Variants in NPSR1 observed in about 807,000 individuals in gnomAD.
NPSR1 encodes neuropeptide S receptor.
Under a neutral mutation model 46.9 loss-of-function variants are expected in NPSR1, and 48 were observed. The observed-to-expected ratio is 1.02, with a 90% confidence interval of 0.81 to 1.30. The LOEUF is 1.30. Among genes scored for constraint, NPSR1 ranks in the 50% most tolerant of loss-of-function variants. The pLI is 0.00. For missense variants in NPSR1, 450 were observed against 449.5 expected (o/e 1.00, Z -0.01); for synonymous variants, 176 against 168.1 (o/e 1.05, Z -0.36).
chr7:34,779,774 C>G (rs1787150692), intron 3 of NPSR1: 1 of 283,986 alleles, frequency 3.5e-6, no homozygotes, highest in African/African-American at 2.2e-5. Flanking sequence ...TATTAGCAAT[C>G]AATTGCTGAT....
chr7:34,788,194 T>C (rs1787551437), intron 3 of NPSR1, among the ~76,000 whole-genome samples: 1 of 151,954 alleles, frequency 6.6e-6, no homozygotes, highest in Non-Finnish European at 1.5e-5. Context: ...AGTTATCATT[T>C]TAAAATCGCT....
chr7:34,716,485 ATC>A lies in NPSR1; in HGVS notation c.280+31803_280+31804del, dbSNP rs1783576839. ...TCGTTCTCCTGCTTTCTATTGGGAG[ATC>A]TTGCAAGTTAATTGCTTGACTTCTT... is the stretch of plus-strand genomic sequence containing the variant. On this transcript the variant is annotated intron_variant, in intron 2 of 8. Transcript: ENST00000360581. Among the ~76,000 whole-genome samples, 6 of 152,238 alleles carry A rather than the reference ATC, an allele frequency of 3.9e-5. No individual in the cohort carries two copies. In the South Asian group the frequency reaches 1.2e-3, roughly 32 times the overall value.
intron 2 of NPSR1, chr7:34,711,061 C>A: frequency 3.0e-6 from 1 of 335,666 alleles, no homozygotes; most frequent in Non-Finnish European, 5.9e-6. Flanking sequence ...ATGATGTGAG[C>A]CCAAAGGTCC....
At chr7:34,732,057 G>C (rs954576448) in intron 2 of NPSR1, among the ~76,000 whole-genome samples, 3 of 142,176 alleles carry the variant, frequency 2.1e-5, no homozygotes, top group Non-Finnish European at 4.5e-5. Flanking sequence ...TCCAGCCTGG[G>C]TGACAGAGTG....
chr7:34,835,827 A>G (rs531311205), intron 6 of NPSR1, among the ~76,000 whole-genome samples: 1 of 152,350 alleles, frequency 6.6e-6, no homozygotes, highest in African/African-American at 2.4e-5. Flanking sequence ...GGCCCTGGCT[A>G]CACAGTAGAA....
intron 2 of NPSR1, among the ~76,000 whole-genome samples, chr7:34,775,554 TC>T (rs1408488375): frequency 6.6e-6 from 1 of 152,184 alleles, no homozygotes; most frequent in African/African-American, 2.4e-5. Flanking sequence ...ATTGTATGCA[TC>T]TAGGAATTTG....
chr7:34,691,963 A>G (rs895659186), intron 2 of NPSR1, among the ~76,000 whole-genome samples: 1 of 152,124 alleles, frequency 6.6e-6, no homozygotes, highest in African/African-American at 2.4e-5. Flanking sequence ...AAATAAATAA[A>G]TGAATAAATA....
chr7:34,666,133 G>A (rs1190725219), intron 1 of NPSR1, among the ~76,000 whole-genome samples: 1 of 152,176 alleles, frequency 6.6e-6, no homozygotes, highest in Non-Finnish European at 1.5e-5. Context: ...TAATTTGGGA[G>A]GGATTCGTGA....
intron 8 of NPSR1, among the ~76,000 whole-genome samples, chr7:34,858,162 C>T (rs993998941): frequency 4.0e-5 from 6 of 151,600 alleles, no homozygotes; most frequent in African/African-American, 1.2e-4. Flanking sequence ...TTGTGTTTCC[C>T]GTGACCTTGA....
intron 8 of NPSR1, among the ~76,000 whole-genome samples, chr7:34,863,640 G>A (rs1361321866): frequency 6.6e-6 from 1 of 151,786 alleles, no homozygotes; most frequent in East Asian, 1.9e-4. Flanking sequence ...ATCATCAATT[G>A]GTCATTAGAG....
chr7:34,741,675 T>A (rs1419138539), intron 2 of NPSR1, among the ~76,000 whole-genome samples: 1 of 152,198 alleles, frequency 6.6e-6, no homozygotes, highest in East Asian at 1.9e-4. Flanking sequence ...TTTGCACTGA[T>A]CCTTCAGGGA....
Position 34,849,813 on chromosome 7 carries a change from G to A in NPSR1, c.*158G>A, listed in dbSNP as rs572517789. Reference sequence around the variant, plus strand: ...AAATGTTCTAATGACTGCATGCACTGCTTAAGTATTGGCCAACACGAACTC... The same window carrying A: ...AAATGTTCTAATGACTGCATGCACTACTTAAGTATTGGCCAACACGAACTC... On this transcript the variant is annotated 3_prime_UTR_variant, in exon 9 of 9. Coordinates refer to ENST00000360581, the MANE Select transcript of NPSR1 (RefSeq NM_207172.2). The A allele has an allele frequency of 7.0e-7, 1 of 1,424,188 alleles. No homozygotes were observed. The highest frequency in any genetic ancestry group is 1.5e-5 in the South Asian group (1 of 66,370). 88.2% of individuals were successfully genotyped at this position (1,424,188 alleles called of 1,614,324 possible). A position where few individuals can be genotyped will look rare whatever the true frequency, so the allele number is the denominator to read the frequency against.
intron 2 of NPSR1, among the ~76,000 whole-genome samples, chr7:34,745,491 T>C (rs1329278293): frequency 6.6e-6 from 1 of 152,210 alleles, no homozygotes; most frequent in Non-Finnish European, 1.5e-5. Flanking sequence ...CTTGCAATTT[T>C]CTGCTTAATT....
intron 8 of NPSR1, among the ~76,000 whole-genome samples, chr7:34,869,127 C>T (rs962936050): frequency 4.0e-5 from 6 of 151,732 alleles, no homozygotes; most frequent in Non-Finnish European, 7.3e-5. Context: ...ACTGGCAGAA[C>T]GAATGTCTAC....
At chr7:34,684,525 G>T in intron 1 of NPSR1, 27 bp from the exon 2 acceptor site, 2 of 1,610,280 alleles carry the variant, frequency 1.2e-6, no homozygotes, top group South Asian at 2.2e-5. Context: ...CTGGTACACT[G>T]GTTTTATTTT....
At chr7:34,659,772 A>G (rs2128667560) in intron 1 of NPSR1, among the ~76,000 whole-genome samples, 1 of 152,294 alleles carries the variant, frequency 6.6e-6, no homozygotes, top group Non-Finnish European at 1.5e-5. Flanking sequence ...GTTTGTTGCC[A>G]CTTAATGTCG....
chr7:34,831,423 T>G (rs1466836495), intron 5 of NPSR1, among the ~76,000 whole-genome samples: 1 of 151,512 alleles, frequency 6.6e-6, no homozygotes, highest in African/African-American at 2.4e-5. Flanking sequence ...TGATAGCTCC[T>G]CCATAAATAT....
chr7:34,738,754 A>G (rs533055316), intron 2 of NPSR1, among the ~76,000 whole-genome samples: 121 of 152,266 alleles, frequency 7.9e-4, no homozygotes, highest in African/African-American at 2.8e-3. Context: ...GGTAAAATTT[A>G]TATAACATAT....
chr7:34,787,931 A>G (rs1787538316), intron 3 of NPSR1, among the ~76,000 whole-genome samples: 1 of 152,098 alleles, frequency 6.6e-6, no homozygotes, highest in Admixed American at 6.6e-5. Flanking sequence ...TAACCAAAAT[A>G]TGACACAGAC....
Sources: allele counts gnomAD v4.1 joint callset (sites outside exome capture counted in the v4.1 genomes callset), GRCh38; gene constraint gnomAD v4.1.1; transcripts MANE v1.5; gene names NCBI Gene and HGNC (gene_info 2026-07-23, HGNC 2026-07-21).